CABCOCO1: variants seen among roughly 807,000 people sequenced by gnomAD.
CABCOCO1 encodes the protein ciliary associated calcium binding coiled-coil 1.
CABCOCO1 carries 28 observed loss-of-function variants against 35.7 expected under a neutral mutation model. That is an observed-to-expected ratio of 0.78 (90% CI 0.58 to 1.07). CABCOCO1 has a LOEUF of 1.07. CABCOCO1 is among the 50% of genes least tolerant of loss of function. CABCOCO1 has a pLI of 0.00. For synonymous variants in CABCOCO1, 95 were observed against 100.1 expected (o/e 0.95, Z 0.30); for missense variants, 326 against 309.2 (o/e 1.05, Z -0.41).
intron 5 of CABCOCO1, among the ~76,000 whole-genome samples, chr10:61,743,523 C>A (rs577063497): frequency 1.3e-5 from 2 of 152,112 alleles, no homozygotes; most frequent in East Asian, 1.9e-4. Flanking sequence ...TACTATCAAT[C>A]AGCCGGTCAT....
intron 5 of CABCOCO1, among the ~76,000 whole-genome samples, chr10:61,719,011 C>G (rs536746680): frequency 6.6e-6 from 1 of 152,092 alleles, no homozygotes; most frequent in Non-Finnish European, 1.5e-5. Context: ...TTTGAAAACA[C>G]CTTGTTAATT....
intron 5 of CABCOCO1, among the ~76,000 whole-genome samples, chr10:61,745,880 C>T (rs1255091722): frequency 1.3e-5 from 2 of 152,174 alleles, no homozygotes; most frequent in African/African-American, 4.8e-5. Context: ...TGACCTACAA[C>T]TGGTTCTCTG....
intron 4 of CABCOCO1, among the ~76,000 whole-genome samples, chr10:61,689,406 T>C (rs944187008): frequency 6.6e-6 from 1 of 152,172 alleles, no homozygotes; most frequent in Non-Finnish European, 1.5e-5. Flanking sequence ...GTAATTTGAA[T>C]GTACAAGAGG....
chr10:61,677,898 T>C (rs190929305), intron 2 of CABCOCO1, among the ~76,000 whole-genome samples: 1 of 149,820 alleles, frequency 6.7e-6, no homozygotes, highest in East Asian at 2.0e-4. Flanking sequence ...AAGTGTTTCG[T>C]CTGTTTAACA....
At chr10:61,709,258 A>C (rs1840668463) in intron 5 of CABCOCO1, among the ~76,000 whole-genome samples, 1 of 152,132 alleles carries the variant, frequency 6.6e-6, no homozygotes, top group Non-Finnish European at 1.5e-5. Flanking sequence ...ATCCTTTTTA[A>C]TGGGATACAT....
In CABCOCO1 at chr10:61,739,941, CA is replaced by C. The variant is rs199602722; in HGVS notation, c.553-20108del. On this transcript the variant is annotated intron_variant, in intron 5 of 7. Transcript: ENST00000648843. ...TGGGCGACAGAGCGAGACTCCGTCT[CA>C]AAAAAAAAATTATAAAGGAAATTTA... Among the ~76,000 whole-genome samples, 10 of 146,022 alleles carry C rather than the reference CA, an allele frequency of 6.8e-5. No individual in the cohort carries two copies. In the East Asian group the frequency reaches 8.5e-4, roughly 12 times the overall value.
intron 5 of CABCOCO1, among the ~76,000 whole-genome samples, chr10:61,721,126 G>T (rs1841008414): frequency 6.6e-6 from 1 of 151,242 alleles, no homozygotes; most frequent in African/African-American, 2.4e-5. Context: ...GGGTTTCACC[G>T]TGTTAGCCAG....
At chr10:61,697,647 G>A (rs1840331427) in intron 5 of CABCOCO1, among the ~76,000 whole-genome samples, 1 of 152,026 alleles carries the variant, frequency 6.6e-6, no homozygotes, top group Admixed American at 6.6e-5. Context: ...CAGATTTAAT[G>A]TTAGTCTTTT....
At chr10:61,708,305 T>C (rs1350227610) in intron 5 of CABCOCO1, among the ~76,000 whole-genome samples, 1 of 151,894 alleles carries the variant, frequency 6.6e-6, no homozygotes, top group African/African-American at 2.4e-5. Flanking sequence ...TATTGGTGTT[T>C]ACATTTCACG....
In CABCOCO1 at chr10:61,732,311, ACTC is replaced by A. The variant is rs777431639; in HGVS notation, c.553-27745_553-27743del. ...GTGTGAACCATCAAAAATTTAGAGA[ACTC>A]CTTTGCTTTAAGCAAGTACTTTTCA... On this transcript the variant is annotated intron_variant, in intron 5 of 7. Transcript: ENST00000648843. Among the ~76,000 whole-genome samples the A allele has an allele frequency of 4.6e-5, 7 of 151,966 alleles. No individual in the cohort carries two copies. In the East Asian group the frequency reaches 1.4e-3, roughly 29 times the overall value.
chr10:61,671,245 G>A (rs1321070059), intron 1 of CABCOCO1, among the ~76,000 whole-genome samples: 5 of 151,984 alleles, frequency 3.3e-5, no homozygotes, highest in African/African-American at 1.2e-4. Context: ...AGAATGGTGT[G>A]AACCTGGGAG....
chr10:61,724,488 T>G (rs1841096336), intron 5 of CABCOCO1, among the ~76,000 whole-genome samples: 1 of 152,180 alleles, frequency 6.6e-6, no homozygotes, highest in African/African-American at 2.4e-5. Context: ...TATCTTAATA[T>G]CTGATAAACA....
chr10:61,672,930 A>G (rs1839404583), intron 2 of CABCOCO1, among the ~76,000 whole-genome samples, 195 bp downstream of exon 2: 1 of 152,248 alleles, frequency 6.6e-6, no homozygotes, highest in Non-Finnish European at 1.5e-5. Context: ...TCCTTTATAA[A>G]GAAAATACAT....
In CABCOCO1 at chr10:61,704,942, C is replaced by G. The variant is rs528035696; in HGVS notation, c.552+14321C>G. Among the ~76,000 whole-genome samples the G allele has an allele frequency of 5.9e-5, 9 of 152,016 alleles. No individual in the cohort carries two copies. In the South Asian group the frequency reaches 1.7e-3, roughly 28 times the overall value. ...TTAAAAAAAAAAACAAAACAGTTCTCCTCCATGAATGGCTTGTCTCCCAAA... is the reference window on the plus strand; with the variant it reads ...TTAAAAAAAAAAACAAAACAGTTCTGCTCCATGAATGGCTTGTCTCCCAAA... On this transcript the variant is annotated intron_variant, in intron 5 of 7. Coordinates refer to ENST00000648843, the MANE Select transcript of CABCOCO1 (RefSeq NM_001366906.2).
intron 6 of CABCOCO1, among the ~76,000 whole-genome samples, chr10:61,760,492 T>TC (rs1390016199): frequency 6.6e-6 from 1 of 151,774 alleles, no homozygotes; most frequent in African/African-American, 2.4e-5. Flanking sequence ...TATCAAAATC[T>TC]CCCCCCAGAT....
intron 5 of CABCOCO1, among the ~76,000 whole-genome samples, chr10:61,743,181 T>C (rs1841586539): frequency 6.6e-6 from 1 of 152,204 alleles, no homozygotes; most frequent in Non-Finnish European, 1.5e-5. Flanking sequence ...TCTCAACAAA[T>C]GAAGGGAAAT....
intron 5 of CABCOCO1, among the ~76,000 whole-genome samples, chr10:61,712,892 GT>G (rs1333028795): frequency 6.6e-6 from 1 of 152,180 alleles, no homozygotes; most frequent in Non-Finnish European, 1.5e-5. Flanking sequence ...GTACCATGCT[GT>G]TTTGGTTACT....
At chr10:61,698,163 T>G (rs1256918469) in intron 5 of CABCOCO1, among the ~76,000 whole-genome samples, 1 of 152,194 alleles carries the variant, frequency 6.6e-6, no homozygotes, top group African/African-American at 2.4e-5. Context: ...CATTTGTGTT[T>G]GGATATAAAA....
intron 5 of CABCOCO1, among the ~76,000 whole-genome samples, chr10:61,722,653 A>C (rs1010491675): frequency 2.6e-5 from 4 of 152,058 alleles, no homozygotes; most frequent in African/African-American, 4.8e-5. Context: ...AAGTGGTAGA[A>C]CTCATAAATT....
Sources: gnomAD v4.1 joint callset for allele counts (sites outside exome capture counted in the v4.1 genomes callset) on GRCh38, gnomAD v4.1.1 for gene constraint, MANE v1.5 for transcripts, NCBI Gene and HGNC (gene_info 2026-07-23, HGNC 2026-07-21) for gene names.